Variants in DNAH17 observed in about 807,000 individuals in gnomAD.
DNAH17 encodes axonemal beta dynein heavy chain 17.
In DNAH17, 376 loss-of-function variants were observed where a neutral mutation model predicts 485.6. That is an observed-to-expected ratio of 0.77 (90% CI 0.71 to 0.84). The LOEUF is 0.84. Among genes scored for constraint, DNAH17 ranks in the 40% least tolerant of loss-of-function variants. DNAH17 has a pLI of 0.00. For missense variants in DNAH17, 6,370 were observed against 5,839.3 expected (o/e 1.09, Z -2.96); for synonymous variants, 3,031 against 2,405.9 (o/e 1.26, Z -7.60).
chr17:78,425,999 G>A (rs1259774784), intron 79 of DNAH17, among the ~76,000 whole-genome samples: 1 of 152,176 alleles, frequency 6.6e-6, no homozygotes, highest in Non-Finnish European at 1.5e-5. Flanking sequence ...CTGGCTTCAA[G>A]TGATCTGCCT....
chr17:78,484,950 C>G lies in DNAH17; in HGVS notation c.7567G>C (p.Asp2523His), dbSNP rs746368233. Residue 2523 changes from aspartate (D) to histidine (H), a missense_variant, in exon 48 of 81, where the codon GAC becomes CAC. Transcript: ENST00000389840. Reference sequence around the variant, plus strand: ...TTGTCCACCTCGGGCATGTTCATGTCGTCGATGAAGTAGACGAGCTTCTTA... The same window carrying G: ...TTGTCCACCTCGGGCATGTTCATGTGGTCGATGAAGTAGACGAGCTTCTTA... The part of the protein sequence containing the change: ...GTKKLVYFID[D>H]MNMPEVDKYG... 1.6e-5 allele frequency: 25 copies of G among 1,612,234 alleles called. No individual in the cohort carries two copies. The highest frequency in any genetic ancestry group is 5.1e-6 in the Non-Finnish European group (6 of 1,179,170).
chr17:78,502,483 A>C (rs2090332748), intron 33 of DNAH17, 108 bp downstream of exon 33: 2 of 1,093,044 alleles, frequency 1.8e-6, no homozygotes, highest in South Asian at 1.7e-5. Flanking sequence ...TCCGAGAAGA[A>C]GCCGCTCCAG....
At chr17:78,459,349 A>G (rs2087975405) in intron 60 of DNAH17, 141 bp from the exon 61 acceptor site, 3 of 806,224 alleles carry the variant, frequency 3.7e-6, no homozygotes, top group Admixed American at 4.0e-5. Flanking sequence ...CTGGCCCTAG[A>G]GGCCACCCCC....
chr17:78,490,571 G>C, intron 44 of DNAH17, 128 bp downstream of exon 44: 1 of 1,327,892 alleles, frequency 7.5e-7, no homozygotes. Flanking sequence ...TGTGACACTG[G>C]TGCCTGGTGA....
rs1010809679 is a variant in DNAH17 at position 78,429,389 on chromosome 17, G to A, written c.12226-89C>T. 1.6e-5 allele frequency: 23 copies of A among 1,413,322 alleles called. No individual in the cohort carries two copies. In the African/African-American group the frequency reaches 2.1e-4, roughly 13 times the overall value. The allele number at this position is 1,413,322 out of a possible 1,614,324, so 87.5% of individuals were successfully genotyped here. A position where few individuals can be genotyped will look rare whatever the true frequency, so the allele number is the denominator to read the frequency against. On this transcript the variant is annotated intron_variant, in intron 75 of 80. Coordinates refer to ENST00000389840, the MANE Select transcript of DNAH17 (RefSeq NM_173628.4). The stretch of plus-strand genomic sequence containing the variant: ...TCAGGCTCAGGCAGGCAGGGCGTGG[G>A]AACCCAGCCATTGGTGCTGTGTCCT...
chr17:78,531,521 G>A (rs1454045535), intron 20 of DNAH17, among the ~76,000 whole-genome samples: 3 of 151,822 alleles, frequency 2.0e-5, no homozygotes, highest in African/African-American at 7.3e-5. Flanking sequence ...TGTATTTTCA[G>A]TACAGATGGG....
chr17:78,521,182 G>C (rs1172068133), intron 25 of DNAH17, among the ~76,000 whole-genome samples: 2 of 152,128 alleles, frequency 1.3e-5, no homozygotes, highest in African/African-American at 4.8e-5. Flanking sequence ...GAGGCAGGTG[G>C]ATCGCTTGAG....
At chr17:78,526,008 G>A (rs993675946) in intron 24 of DNAH17, among the ~76,000 whole-genome samples, 4 of 152,246 alleles carry the variant, frequency 2.6e-5, no homozygotes, top group African/African-American at 4.8e-5. Context: ...CCTGGGCACC[G>A]TACTGGGAGC....
In DNAH17 at chr17:78,555,543, C is replaced by CAAAAAAAAAAAAAAAAA. The variant is rs765954549; in HGVS notation, c.2178+2548_2178+2564dup. 2.6e-5 allele frequency among the ~76,000 whole-genome samples: 2 copies of CAAAAAAAAAAAAAAAAA among 77,714 alleles called. 1 individual carries two copies. The highest frequency in any genetic ancestry group is 1.1e-4 in the African/African-American group (2 of 17,806). The allele number at this position is 77,714 out of a possible 152,430, so 51.0% of individuals were successfully genotyped here. ...CGGGGAGAGGAGCAAGATTCCGTCACAAAAAAAAAAAAAAAAAAAAAAAGA... is the reference window on the plus strand; with the variant it reads ...CGGGGAGAGGAGCAAGATTCCGTCACAAAAAAAAAAAAAAAAAAAAAAAAAAAAAAAAAAAAAAAAGA... On this transcript the variant is annotated intron_variant, in intron 14 of 80. Transcript: ENST00000389840.
intron 75 of DNAH17, among the ~76,000 whole-genome samples, chr17:78,429,803 T>C (rs1031329983): frequency 1.3e-5 from 2 of 152,196 alleles, no homozygotes; most frequent in African/African-American, 4.8e-5. Flanking sequence ...ACGAAGTCGT[T>C]AGTCATGTCT....
At chr17:78,533,149 C>T (rs1484478259) in intron 19 of DNAH17, 1 of 185,810 alleles carries the variant, frequency 5.4e-6, no homozygotes, top group African/African-American at 2.9e-5. Context: ...CTGGGGAACC[C>T]CGAGATGACT....
chr17:78,484,739 A>ACCCCCCCGGCCGCCCCCCC, intron 48 of DNAH17, 129 bp downstream of exon 48: 1 of 347,798 alleles, frequency 2.9e-6, no homozygotes, highest in Non-Finnish European at 4.6e-6. Context: ...ACGTTGCAGC[A>ACCCCCCCGGCCGCCCCCCC]CCCCCCCCAC....
intron 75 of DNAH17, among the ~76,000 whole-genome samples, chr17:78,431,921 T>C (rs574682247): frequency 1.3e-5 from 2 of 152,128 alleles, no homozygotes; most frequent in South Asian, 2.1e-4. Flanking sequence ...CCTGTAATCC[T>C]AGCACTTTGG....
chr17:78,485,396 G>A (rs534778019), intron 47 of DNAH17, among the ~76,000 whole-genome samples, 154 bp downstream of exon 47: 1 of 152,254 alleles, frequency 6.6e-6, no homozygotes, highest in Admixed American at 6.5e-5. Flanking sequence ...CTCTGTCTCC[G>A]ACTCAGGAAG....
intron 9 of DNAH17, among the ~76,000 whole-genome samples, chr17:78,567,503 G>A (rs187871382): frequency 2.6e-5 from 4 of 152,266 alleles, no homozygotes; most frequent in African/African-American, 9.6e-5. Flanking sequence ...TGGGACCTCC[G>A]TTTTCTCCGC....
rs867384205 is a variant in DNAH17 at position 78,466,092 on chromosome 17, C to A, written c.8940+563G>T. Among the ~76,000 whole-genome samples, 88 of 151,432 alleles carry A rather than the reference C, an allele frequency of 5.8e-4. No individual in the cohort carries two copies. The South Asian group carries it at 0.011, about 20-fold the overall frequency. ...TTCATTTTGTTCTGTACTAAGAAAA[C>A]TTCTTCTGCCTTGGGATCCTGTTGA... On this transcript the variant is annotated intron_variant, in intron 56 of 80. Coordinates refer to ENST00000389840, the MANE Select transcript of DNAH17 (RefSeq NM_173628.4).
chr17:78,524,780 A>C (rs983337914), intron 25 of DNAH17, among the ~76,000 whole-genome samples: 6 of 152,320 alleles, frequency 3.9e-5, no homozygotes, highest in African/African-American at 1.4e-4. Flanking sequence ...AAAGGGGGGC[A>C]GTCAAAGGCG....
At chr17:78,526,622 C>A (rs777543794) in intron 24 of DNAH17, 29 bp downstream of exon 24, 5 of 1,552,538 alleles carry the variant, frequency 3.2e-6, no homozygotes, top group South Asian at 1.2e-5. Context: ...CCAGACTTAC[C>A]CCCTGATCTC....
At chr17:78,434,330 G>T in intron 74 of DNAH17, 110 bp from the exon 75 acceptor site, 1 of 1,012,774 alleles carries the variant, frequency 9.9e-7, no homozygotes, top group Non-Finnish European at 1.4e-6. Context: ...GCTAGGGTGG[G>T]GGCGGTGGGG....
Sources: allele counts gnomAD v4.1 joint callset (sites outside exome capture counted in the v4.1 genomes callset), GRCh38; gene constraint gnomAD v4.1.1; transcripts MANE v1.5; gene names NCBI Gene and HGNC (gene_info 2026-07-23, HGNC 2026-07-21).